The following LRP1B variants were observed in gnomAD, a reference collection of about 807,000 sequenced individuals.
LRP1B encodes the protein LDL receptor related protein 1B.
Under a neutral mutation model 556.6 loss-of-function variants are expected in LRP1B, and 217 were observed. The observed-to-expected ratio is 0.39, with a 90% confidence interval of 0.35 to 0.44. LRP1B has a LOEUF of 0.44. LRP1B is among the 20% of genes least tolerant of loss of function. The probability of loss-of-function intolerance (pLI) is 1.00; values close to 1 mark genes in which losing one functional copy is unlikely to be tolerated. For synonymous variants in LRP1B, 2,047 were observed against 1,865.8 expected (o/e 1.10, Z -2.50); for missense variants, 5,053 against 5,620.8 (o/e 0.90, Z 3.23).
chr2:141,374,900 A>T (rs1689370935), intron 3 of LRP1B, among the ~76,000 whole-genome samples: 1 of 152,214 alleles, frequency 6.6e-6, no homozygotes, highest in East Asian at 1.9e-4. Context: ...CAGTTGCTGG[A>T]CCATTGTTGT....
chr2:141,829,860 A>T (rs1324615078), intron 1 of LRP1B, among the ~76,000 whole-genome samples: 1 of 152,024 alleles, frequency 6.6e-6, no homozygotes, highest in Non-Finnish European at 1.5e-5. Context: ...AATATTCAAG[A>T]TTTCCACCCA....
chr2:140,809,265 A>C (rs1478918663), intron 32 of LRP1B, among the ~76,000 whole-genome samples: 2 of 152,200 alleles, frequency 1.3e-5, no homozygotes, highest in Non-Finnish European at 2.9e-5. Context: ...ATTTTAAAAA[A>C]GATTACTTGC....
chr2:140,314,824 T>G (rs186961433), intron 83 of LRP1B, 111 bp downstream of exon 83: 12 of 708,778 alleles, frequency 1.7e-5, no homozygotes, highest in Middle Eastern at 2.5e-4. Context: ...ATTGTGTTAG[T>G]CTATTGTTCA....
chr2:142,130,927 GA>G lies in LRP1B; in HGVS notation c.-199del. 3.2e-6 allele frequency: 2 copies of G among 620,590 alleles called. No individual in the cohort carries two copies. Among genetic ancestry groups the G allele is most frequent in the Non-Finnish European group, 2.9e-6 (1 of 345,510 alleles). 38.4% of individuals were successfully genotyped at this position (620,590 alleles called of 1,614,324 possible). On this transcript the variant is annotated 5_prime_UTR_variant, in exon 1 of 91. Transcript: ENST00000389484. ...TGGAGCAGGATGTGGAAGGTGGAGG[GA>G]TGCGCGCGTGCGGGAGAGAGGAGGC... is the stretch of plus-strand genomic sequence containing the variant.
chr2:141,679,716 A>C (rs1184107168), intron 2 of LRP1B, among the ~76,000 whole-genome samples: 1 of 152,098 alleles, frequency 6.6e-6, no homozygotes, highest in Non-Finnish European at 1.5e-5. Context: ...TGGATAAATA[A>C]ATTTTGATAT....
chr2:140,852,422 A>G (rs1375608411), intron 27 of LRP1B, among the ~76,000 whole-genome samples: 7 of 152,246 alleles, frequency 4.6e-5, no homozygotes, highest in African/African-American at 1.7e-4. Flanking sequence ...AAAATAAACT[A>G]AGATAGACTA....
chr2:140,968,181 A>G (rs1474632424), intron 18 of LRP1B, among the ~76,000 whole-genome samples: 1 of 151,460 alleles, frequency 6.6e-6, no homozygotes, highest in East Asian at 1.9e-4. Context: ...TGGTTGGTAA[A>G]CTATTAATTA....
At chr2:141,213,119 T>C (rs1165905666) in intron 6 of LRP1B, among the ~76,000 whole-genome samples, 1 of 114,008 alleles carries the variant, frequency 8.8e-6, no homozygotes, top group Admixed American at 7.8e-5. Context: ...GCTAATTAAT[T>C]TTTTTTTTTT....
chr2:141,411,739 AT>A (rs1690859930), intron 3 of LRP1B, among the ~76,000 whole-genome samples: 1 of 152,130 alleles, frequency 6.6e-6, no homozygotes, highest in Non-Finnish European at 1.5e-5. Flanking sequence ...AAAATTGATT[AT>A]TATCAGAGAC....
intron 41 of LRP1B, among the ~76,000 whole-genome samples, chr2:140,672,506 A>AG (rs1223228128): frequency 2.0e-5 from 3 of 150,138 alleles, no homozygotes; most frequent in East Asian, 3.9e-4. Context: ...AAAAAAAAAA[A>AG]ATTCACCAGT....
chr2:141,645,761 A>T (rs565462497), intron 2 of LRP1B, among the ~76,000 whole-genome samples: 2 of 152,042 alleles, frequency 1.3e-5, no homozygotes, highest in South Asian at 4.2e-4. Flanking sequence ...CAAGGACACC[A>T]CTCTCCAAAG....
intron 1 of LRP1B, among the ~76,000 whole-genome samples, chr2:142,071,940 T>C (rs376902377): frequency 2.0e-5 from 3 of 152,122 alleles, no homozygotes; most frequent in East Asian, 3.9e-4. Flanking sequence ...ATCTTCTTCC[T>C]GTGATTCCAA....
intron 86 of LRP1B, among the ~76,000 whole-genome samples, chr2:140,253,712 T>C (rs1681553496): frequency 6.6e-6 from 1 of 152,154 alleles, no homozygotes. Flanking sequence ...GGTATTTTTC[T>C]GAGTGAGAAG....
intron 25 of LRP1B, among the ~76,000 whole-genome samples, chr2:140,871,785 C>T (rs1693136710): frequency 6.6e-6 from 1 of 152,022 alleles, no homozygotes; most frequent in Admixed American, 6.6e-5. Context: ...TAAGGGTCTG[C>T]CTTCTTTTTT....
chr2:142,064,410 T>C (rs1705028116), intron 1 of LRP1B, among the ~76,000 whole-genome samples: 1 of 151,630 alleles, frequency 6.6e-6, no homozygotes, highest in African/African-American at 2.4e-5. Flanking sequence ...AATCTAATTA[T>C]TCTTACAACC....
intron 21 of LRP1B, among the ~76,000 whole-genome samples, chr2:140,915,608 C>T (rs1694550849): frequency 6.6e-6 from 1 of 151,382 alleles, no homozygotes; most frequent in Non-Finnish European, 1.5e-5. Context: ...GCTGAGGTCG[C>T]ACCACTGCAC....
intron 14 of LRP1B, among the ~76,000 whole-genome samples, chr2:141,007,493 G>GC (rs1553445566): frequency 2.6e-5 from 4 of 151,392 alleles, no homozygotes; most frequent in Non-Finnish European, 5.9e-5. Context: ...CTAATACAGG[G>GC]TTTTTTTAAT....
chr2:141,969,906 C>T (rs1281987968), intron 1 of LRP1B, among the ~76,000 whole-genome samples: 1 of 151,462 alleles, frequency 6.6e-6, no homozygotes, highest in African/African-American at 2.4e-5. Flanking sequence ...TGTGGAAATA[C>T]AAGGGCTCTT....
At position 141,751,794 on chromosome 2, in the gene LRP1B, A is replaced by T. The variant is rs115883948; in HGVS notation, c.205+58485T>A. 5.3e-3 allele frequency among the ~76,000 whole-genome samples: 799 copies of T among 151,604 alleles called. 8 individuals carry two copies. The highest frequency in any genetic ancestry group is 0.019 in the African/African-American group (772 of 41,308). ...AATGTGTGCTAGAAAGCATCTAAGC[A>T]TGGTATTTTCATAGCCTTGAAAATT... On this transcript the variant is annotated intron_variant, in intron 2 of 90. Transcript: ENST00000389484.
Sources: allele counts gnomAD v4.1 joint callset (sites outside exome capture counted in the v4.1 genomes callset), GRCh38; gene constraint gnomAD v4.1.1; transcripts MANE v1.5; gene names NCBI Gene and HGNC (gene_info 2026-07-23, HGNC 2026-07-21).